Variants in ZFPM2 observed in about 807,000 individuals in gnomAD.
ZFPM2 encodes zinc finger protein, FOG family member 2, also known as zinc finger protein ZFPM2.
In ZFPM2, 20 loss-of-function variants were observed where a neutral mutation model predicts 98.6. The ratio of observed to expected loss-of-function variants is 0.20; its 90% confidence interval spans 0.14 to 0.29. ZFPM2 has a LOEUF of 0.29. ZFPM2 is among the 10% of genes least tolerant of loss of function. The pLI, the probability that ZFPM2 is intolerant of heterozygous loss-of-function variation, is 1.00. For missense variants in ZFPM2, 1,310 were observed against 1,388.6 expected (o/e 0.94, Z 0.90); for synonymous variants, 518 against 502.7 (o/e 1.03, Z -0.41).
intron 6 of ZFPM2, 58 bp from the exon 7 acceptor site, chr8:105,798,666 C>T (rs1397930645): frequency 2.4e-5 from 36 of 1,484,536 alleles, no homozygotes; most frequent in Non-Finnish European, 3.2e-5. Flanking sequence ...TGCTGCTTTA[C>T]CCACAGTTGG....
At chr8:105,792,875 A>G (rs1813663050) in intron 6 of ZFPM2, among the ~76,000 whole-genome samples, 2 of 152,130 alleles carry the variant, frequency 1.3e-5, no homozygotes, top group South Asian at 4.1e-4. Flanking sequence ...TTGTTGGTTT[A>G]AAGTCTGTTT....
intron 5 of ZFPM2, among the ~76,000 whole-genome samples, chr8:105,713,926 CT>C (rs961932534): frequency 2.6e-5 from 4 of 151,964 alleles, no homozygotes; most frequent in Admixed American, 6.6e-5. Context: ...CTTAGGATTG[CT>C]TTGGCTACTT....
At chr8:105,478,120 A>G (rs1474502588) in intron 3 of ZFPM2, among the ~76,000 whole-genome samples, 1 of 152,182 alleles carries the variant, frequency 6.6e-6, no homozygotes, top group Non-Finnish European at 1.5e-5. Flanking sequence ...TCCTCATTAG[A>G]CATCTTCCAT....
chr8:105,526,144 T>C (rs542881983), intron 3 of ZFPM2, among the ~76,000 whole-genome samples: 2 of 152,290 alleles, frequency 1.3e-5, no homozygotes, highest in South Asian at 4.1e-4. Context: ...TTAACTGAAT[T>C]GACATTGTAG....
chr8:105,552,493 C>T (rs1195690518), intron 3 of ZFPM2, among the ~76,000 whole-genome samples: 3 of 152,202 alleles, frequency 2.0e-5, no homozygotes, highest in Middle Eastern at 3.4e-3. Context: ...GCTTCTTGAG[C>T]AAAAGAGTGG....
At chr8:105,516,816 T>C (rs1217475271) in intron 3 of ZFPM2, among the ~76,000 whole-genome samples, 1 of 152,186 alleles carries the variant, frequency 6.6e-6, no homozygotes, top group Non-Finnish European at 1.5e-5. Flanking sequence ...TCCAGAGTAT[T>C]GTCTATAATT....
chr8:105,695,601 G>A (rs1248859931), intron 5 of ZFPM2, among the ~76,000 whole-genome samples: 1 of 151,900 alleles, frequency 6.6e-6, no homozygotes, highest in Non-Finnish European at 1.5e-5. Flanking sequence ...TTTGTTAAGT[G>A]CAGTCACCAA....
In ZFPM2 at chr8:105,510,775, G is replaced by A. The variant is rs1813801976; in HGVS notation, c.302-50588G>A. Among the ~76,000 whole-genome samples the A allele has an allele frequency of 2.0e-5, 3 of 152,122 alleles. No homozygotes were observed. In the South Asian group the frequency reaches 6.2e-4, roughly 32 times the overall value. ...TGTTGGTTAGGAGATACTGGATCGTGGACTCAGGCACTAGGGTGGGGATGT... is the reference window on the plus strand; with the variant it reads ...TGTTGGTTAGGAGATACTGGATCGTAGACTCAGGCACTAGGGTGGGGATGT... On this transcript the variant is annotated intron_variant, in intron 3 of 7. Coordinates refer to ENST00000407775, the MANE Select transcript of ZFPM2 (RefSeq NM_012082.4).
chr8:105,487,880 T>A (rs1813261098), intron 3 of ZFPM2, among the ~76,000 whole-genome samples: 1 of 148,122 alleles, frequency 6.8e-6, no homozygotes, highest in South Asian at 2.2e-4. Flanking sequence ...TTTAACCCTA[T>A]AAAGTCTGTC....
chr8:105,347,988 A>G (rs1368002141), intron 1 of ZFPM2, among the ~76,000 whole-genome samples: 2 of 152,094 alleles, frequency 1.3e-5, no homozygotes, highest in African/African-American at 4.8e-5. Flanking sequence ...TGATTGACCA[A>G]CTTTTCCTAT....
intron 3 of ZFPM2, among the ~76,000 whole-genome samples, chr8:105,547,538 A>G (rs1814736402): frequency 8.4e-6 from 1 of 118,522 alleles, no homozygotes; most frequent in African/African-American, 3.5e-5. Context: ...GTGAAACTCC[A>G]TCTCAAAAAA....
intron 5 of ZFPM2, among the ~76,000 whole-genome samples, chr8:105,713,692 C>G (rs1041982345): frequency 7.2e-5 from 11 of 151,954 alleles, no homozygotes; most frequent in African/African-American, 2.7e-4. Context: ...ACCAGTTTTC[C>G]CAGCACCATT....
intron 1 of ZFPM2, among the ~76,000 whole-genome samples, chr8:105,391,752 C>A (rs1201354786): frequency 6.6e-6 from 1 of 152,184 alleles, no homozygotes; most frequent in Non-Finnish European, 1.5e-5. Flanking sequence ...TCTTCAGGAT[C>A]TCCTTTTAAT....
chr8:105,503,305 G>T lies in ZFPM2; in HGVS notation c.302-58058G>T, dbSNP rs118118529. 2.2e-3 allele frequency among the ~76,000 whole-genome samples: 330 copies of T among 152,266 alleles called. 8 individuals carry two copies. The East Asian group carries it at 0.056, about 26-fold the overall frequency. ...GCTTTTATATTAATCAGGAAGGAAT[G>T]TTGATATGTAATGGTCCAGAAATAA... On this transcript the variant is annotated intron_variant, in intron 3 of 7. Coordinates refer to ENST00000407775, the MANE Select transcript of ZFPM2 (RefSeq NM_012082.4).
At position 105,607,776 on chromosome 8, in the gene ZFPM2, C is replaced by T. The variant is rs139372244; in HGVS notation, c.421-26470C>T. ...CAGTTCCGCTACTTTAGATCCCAAA[C>T]TCTAAATTAATTTTTTAACATCTTT... On this transcript the variant is annotated intron_variant, in intron 4 of 7. Transcript: ENST00000407775. 1.2e-3 allele frequency among the ~76,000 whole-genome samples: 177 copies of T among 152,198 alleles called. 1 individual carries two copies. Among genetic ancestry groups the T allele is most frequent in the Non-Finnish European group, 1.6e-3 (107 of 67,976 alleles).
intron 5 of ZFPM2, among the ~76,000 whole-genome samples, chr8:105,747,487 CAACCAT>C (rs1469541731): frequency 5.9e-5 from 9 of 151,996 alleles, no homozygotes; most frequent in Non-Finnish European, 1.5e-5. Flanking sequence ...CATTCAAATG[CAACCAT>C]AAGTACACAG....
rs753602172 is a variant in ZFPM2, at chr8:105,802,715, C to T, written c.2633C>T (p.Pro878Leu). ...NYLAHKQNFC[P>L]VTAHQRNDLG... ...CTGGCCCACAAGCAGAATTTCTGCC[C>T]GGTTACTGCACATCAGCGTAATGAC... The change falls in exon 8 of 8, where the codon CCG becomes CTG. Residue 878 changes from proline to leucine, a missense_variant. Physicochemically the swap from Pro to Leu is moderately conservative, Grantham distance 98. Coordinates refer to ENST00000407775, the MANE Select transcript of ZFPM2 (RefSeq NM_012082.4). 1.8e-5 allele frequency: 29 copies of T among 1,612,554 alleles called. No individual in the cohort carries two copies. The highest frequency in any genetic ancestry group is 8.9e-5 in the East Asian group (4 of 44,778).
intron 5 of ZFPM2, among the ~76,000 whole-genome samples, chr8:105,644,428 C>T (rs993355911): frequency 6.6e-6 from 1 of 151,768 alleles, no homozygotes; most frequent in African/African-American, 2.4e-5. Context: ...CTGAACTCCT[C>T]CAACATGTTG....
At chr8:105,769,235 A>G (rs568077196) in intron 5 of ZFPM2, among the ~76,000 whole-genome samples, 17 of 152,036 alleles carry the variant, frequency 1.1e-4, no homozygotes, top group Non-Finnish European at 2.9e-5. Context: ...TTACATTTAT[A>G]TGAAAATAAA....
Sources: gnomAD v4.1 joint callset for allele counts (sites outside exome capture counted in the v4.1 genomes callset) on GRCh38, gnomAD v4.1.1 for gene constraint, MANE v1.5 for transcripts, NCBI Gene and HGNC (gene_info 2026-07-23, HGNC 2026-07-21) for gene names.